Variants in KLF12 observed in about 807,000 individuals in gnomAD.
KLF12 encodes Krueppel-like factor 12.
KLF12 carries 9 observed loss-of-function variants against 37.8 expected under a neutral mutation model. The ratio of observed to expected loss-of-function variants is 0.24; its 90% CI spans 0.14 to 0.42. The LOEUF is 0.42. Among genes scored for constraint, KLF12 ranks in the 10% least tolerant of loss-of-function variants. KLF12 has a pLI of 1.00. For missense variants in KLF12, 411 were observed against 516.0 expected (o/e 0.80, Z 1.97); for synonymous variants, 208 against 202.1 (o/e 1.03, Z -0.25).
intron 1 of KLF12, among the ~76,000 whole-genome samples, chr13:74,080,887 C>T (rs1007014472): frequency 6.6e-6 from 1 of 152,072 alleles, no homozygotes; most frequent in African/African-American, 2.4e-5. Flanking sequence ...CAAAGGAAGC[C>T]CTTTAAGTCT....
chr13:74,245,058 A>G, the KLF12 span, among the ~76,000 whole-genome samples: 1 of 152,248 alleles, frequency 6.6e-6, no homozygotes, highest in Non-Finnish European at 1.5e-5. Flanking sequence ...TGAGAATAGA[A>G]GAGGAAGAAT....
chr13:74,116,283 A>C (rs1877299817), intron 1 of KLF12, among the ~76,000 whole-genome samples: 2 of 152,160 alleles, frequency 1.3e-5, no homozygotes, highest in South Asian at 4.1e-4. Context: ...GCTCCTAGGG[A>C]AAAAAGGCCA....
At chr13:74,264,251 T>A in the KLF12 span, among the ~76,000 whole-genome samples, 8 of 152,124 alleles carry the variant, frequency 5.3e-5, no homozygotes, top group Non-Finnish European at 1.0e-4. Context: ...ACTAAGTGGC[T>A]TGGATAAAAA....
At chr13:73,922,275 C>G (rs1390126663) in intron 3 of KLF12, among the ~76,000 whole-genome samples, 1 of 151,992 alleles carries the variant, frequency 6.6e-6, no homozygotes, top group African/African-American at 2.4e-5. Context: ...TGCTTTTTCC[C>G]CCTTCAGTTG....
intron 6 of KLF12, among the ~76,000 whole-genome samples, chr13:73,747,040 C>T (rs866213799): frequency 1.8e-4 from 28 of 152,082 alleles, no homozygotes; most frequent in Admixed American, 7.2e-4. Context: ...TGGTCTCGAA[C>T]TCCTGACCTC....
the KLF12 span, among the ~76,000 whole-genome samples, chr13:74,140,948 C>CA: frequency 0.088 from 700 of 7,944 alleles, 4 homozygotes; most frequent in Middle Eastern, 0.5. Flanking sequence ...CCCAGCTACT[C>CA]GGGGGGTGGG....
chr13:74,190,681 C>T, the KLF12 span, among the ~76,000 whole-genome samples: 1 of 152,102 alleles, frequency 6.6e-6, no homozygotes, highest in Non-Finnish European at 1.5e-5. Context: ...TAATAGCTAC[C>T]ATTTAAGTGT....
the KLF12 span, among the ~76,000 whole-genome samples, chr13:74,151,928 A>C: frequency 6.6e-6 from 1 of 152,208 alleles, no homozygotes; most frequent in Non-Finnish European, 1.5e-5. Context: ...TAAAAAATGC[A>C]CGTTGAAAAG....
At chr13:74,022,296 A>G (rs893780675) in intron 1 of KLF12, among the ~76,000 whole-genome samples, 3 of 152,034 alleles carry the variant, frequency 2.0e-5, no homozygotes, top group African/African-American at 7.3e-5. Context: ...CGGGGGCAAC[A>G]TTCACTGCAA....
chr13:74,148,129 C>A, the KLF12 span, among the ~76,000 whole-genome samples: 42 of 151,976 alleles, frequency 2.8e-4, no homozygotes, highest in Non-Finnish European at 5.2e-4. Flanking sequence ...GTTGGCCAGG[C>A]TGGTCTCGAA....
At chr13:74,074,831 G>A (rs747891671) in intron 1 of KLF12, among the ~76,000 whole-genome samples, 1 of 152,054 alleles carries the variant, frequency 6.6e-6, no homozygotes, top group Non-Finnish European at 1.5e-5. Context: ...TGACTAGAAA[G>A]GGGAAAAAGA....
chr13:73,857,975 C>T (rs936296209), intron 3 of KLF12, among the ~76,000 whole-genome samples: 2 of 152,006 alleles, frequency 1.3e-5, no homozygotes, highest in African/African-American at 2.4e-5. Context: ...TTAATTTTGT[C>T]CCCCCAAAGC....
intron 3 of KLF12, among the ~76,000 whole-genome samples, chr13:73,853,542 G>C (rs966254360): frequency 3.3e-5 from 5 of 152,120 alleles, no homozygotes; most frequent in Non-Finnish European, 7.4e-5. Flanking sequence ...TTCAAGACCA[G>C]CCTGACCAAC....
intron 5 of KLF12, among the ~76,000 whole-genome samples, chr13:73,790,512 T>C (rs1881625106): frequency 6.6e-6 from 1 of 152,220 alleles, no homozygotes; most frequent in South Asian, 2.1e-4. Context: ...TGACTCCTGG[T>C]AACATGATTT....
the KLF12 span, among the ~76,000 whole-genome samples, chr13:74,152,340 C>T: frequency 6.6e-6 from 1 of 152,152 alleles, no homozygotes; most frequent in Non-Finnish European, 1.5e-5. Flanking sequence ...CCTTTCCAGG[C>T]AAAGTATGAA....
chr13:74,149,078 G>C, the KLF12 span, among the ~76,000 whole-genome samples: 1 of 152,184 alleles, frequency 6.6e-6, no homozygotes, highest in East Asian at 1.9e-4. Flanking sequence ...GCCTCCCAAA[G>C]TAGTGGGATT....
chr13:73,784,706 C>A (rs1420889040), intron 5 of KLF12, among the ~76,000 whole-genome samples: 1 of 151,144 alleles, frequency 6.6e-6, no homozygotes, highest in Non-Finnish European at 1.5e-5. Context: ...TCTAGGCTCA[C>A]TGCAAGCTCC....
chr13:74,146,070 G>A, the KLF12 span, among the ~76,000 whole-genome samples: 1 of 152,108 alleles, frequency 6.6e-6, no homozygotes, highest in Non-Finnish European at 1.5e-5. Context: ...TTGAAAATTG[G>A]TAGGTCCAGA....
the KLF12 span, among the ~76,000 whole-genome samples, chr13:74,267,574 C>T: frequency 3.6e-4 from 54 of 152,012 alleles, no homozygotes; most frequent in Non-Finnish European, 7.1e-4. Context: ...CTACCACAGG[C>T]TGGAAAGTGT....
Sources: allele counts gnomAD v4.1 joint callset (sites outside exome capture counted in the v4.1 genomes callset), GRCh38; gene constraint gnomAD v4.1.1; transcripts MANE v1.5; gene names NCBI Gene and HGNC (gene_info 2026-07-23, HGNC 2026-07-21).